Variants in RHOBTB3 observed in about 807,000 individuals in gnomAD.
RHOBTB3 encodes the protein Rho related BTB domain containing 3.
RHOBTB3 carries 47 observed loss-of-function variants against 67.2 expected under a neutral mutation model. The observed-to-expected ratio is 0.70, with a 90% CI of 0.55 to 0.89. RHOBTB3 has a LOEUF of 0.89. RHOBTB3 is among the 40% of genes least tolerant of loss of function. The pLI, the probability that RHOBTB3 is intolerant of heterozygous loss-of-function variation, is 0.00. For synonymous variants in RHOBTB3, 273 were observed against 274.2 expected, an observed-to-expected ratio of 1.00 and a Z score of 0.04; for missense variants, 631 against 750.0, an observed-to-expected ratio of 0.84 and a Z score of 1.85.
chr5:95,737,099 G>T, intron 3 of RHOBTB3, 24 bp downstream of exon 3: 1 of 1,384,166 alleles, frequency 7.2e-7, no homozygotes. Flanking sequence ...ATTCTTTTTT[G>T]TAGTGAGCAT....
chr5:95,733,145 G>C (rs1020585743), intron 2 of RHOBTB3, among the ~76,000 whole-genome samples: 1 of 152,146 alleles, frequency 6.6e-6, no homozygotes, highest in Non-Finnish European at 1.5e-5. Context: ...TCACTCGCTC[G>C]TGTAAGTTTT....
chr5:95,788,807 G>T lies in RHOBTB3; in HGVS notation c.1669G>T (p.Ala557Ser). 6.3e-7 allele frequency: 1 copy of T among 1,580,832 alleles called. No individual in the cohort carries two copies. The highest frequency in any genetic ancestry group is 2.3e-5 in the East Asian group (1 of 42,686). Reference protein sequence around the residue: ...CLSTWLLHFIATNYLIFSQKP... With the variant: ...CLSTWLLHFISTNYLIFSQKP... ...TTCAACCTGGCTACTTCATTTCATT[G>T]CTACTAACTACCTCATCTTCAGTCA... Residue 557 changes from alanine to serine, a missense_variant, in exon 11 of 12, where the codon GCT becomes TCT. Transcript: ENST00000379982.
At chr5:95,756,524 C>A (rs1158351829) in intron 6 of RHOBTB3, among the ~76,000 whole-genome samples, 2 of 152,100 alleles carry the variant, frequency 1.3e-5, no homozygotes, top group African/African-American at 4.8e-5. Context: ...TGCATATATA[C>A]ACAGAAGTGG....
intron 8 of RHOBTB3, among the ~76,000 whole-genome samples, chr5:95,777,222 A>G (rs1171367604): frequency 2.6e-5 from 4 of 152,206 alleles, no homozygotes; most frequent in Admixed American, 2.6e-4. Flanking sequence ...GCTAGTACAT[A>G]TTTTGGATCT....
chr5:95,723,073 C>A (rs1471498217), intron 1 of RHOBTB3, among the ~76,000 whole-genome samples: 2 of 151,988 alleles, frequency 1.3e-5, no homozygotes. Context: ...AGCTGGATTT[C>A]ACATGTACAT....
chr5:95,730,507 AG>A (rs1224508086), upstream of RHOBTB3, among the ~76,000 whole-genome samples: 1 of 152,222 alleles, frequency 6.6e-6, no homozygotes, highest in Admixed American at 6.5e-5. Context: ...TTATTATGAA[AG>A]AATCTAAAGT....
chr5:95,767,275 G>A (rs1745574005), intron 7 of RHOBTB3, among the ~76,000 whole-genome samples: 1 of 152,034 alleles, frequency 6.6e-6, no homozygotes, highest in Admixed American at 6.6e-5. Flanking sequence ...ACTCCTTTAA[G>A]AGAAAATGTT....
chr5:95,744,132 G>T (rs887756668), intron 3 of RHOBTB3, among the ~76,000 whole-genome samples: 6 of 151,624 alleles, frequency 4.0e-5, no homozygotes, highest in Non-Finnish European at 8.8e-5. Flanking sequence ...TGATTTGGCA[G>T]GGAGGGGAGA....
chr5:95,761,339 C>CT (rs766063568), intron 6 of RHOBTB3, among the ~76,000 whole-genome samples: 3,016 of 125,782 alleles, frequency 0.024, 76 homozygotes, highest in African/African-American at 0.059. Flanking sequence ...CCTTTTTCCT[C>CT]TTTTTTTTTT....
chr5:95,723,639 A>G (rs1189363243), intron 1 of RHOBTB3, among the ~76,000 whole-genome samples: 3 of 152,240 alleles, frequency 2.0e-5, no homozygotes, highest in Admixed American at 6.5e-5. Flanking sequence ...TAGTTAAAAC[A>G]ATACAAATAC....
At chr5:95,769,138 G>T in intron 8 of RHOBTB3, 1 of 367,538 alleles carries the variant, frequency 2.7e-6, no homozygotes. Flanking sequence ...TTTAGCCGAT[G>T]CCGTAGCTGC....
At chr5:95,780,081 C>T in intron 8 of RHOBTB3, 171 bp from the exon 9 acceptor site, 1 of 511,490 alleles carries the variant, frequency 2.0e-6, no homozygotes, top group Non-Finnish European at 3.5e-6. Flanking sequence ...CTTTATTGCT[C>T]CCTTTAAAAT....
At chr5:95,747,352 GT>G (rs1418844045) in intron 3 of RHOBTB3, among the ~76,000 whole-genome samples, 1 of 152,106 alleles carries the variant, frequency 6.6e-6, no homozygotes, top group Non-Finnish European at 1.5e-5. Flanking sequence ...CCTGAGAAGC[GT>G]TATTCCCAAG....
intron 2 of RHOBTB3, among the ~76,000 whole-genome samples, chr5:95,733,312 A>G (rs997858082): frequency 6.6e-6 from 1 of 152,222 alleles, no homozygotes; most frequent in African/African-American, 2.4e-5. Context: ...GGCAAATGAA[A>G]CACTTCTTTT....
At chr5:95,750,253 C>T (rs1745050124) in intron 4 of RHOBTB3, among the ~76,000 whole-genome samples, 1 of 152,146 alleles carries the variant, frequency 6.6e-6, no homozygotes, top group South Asian at 2.1e-4. Context: ...AGAGAGAAAG[C>T]CGCCTGCCTT....
chr5:95,787,359 A>G (rs940753633), intron 10 of RHOBTB3, among the ~76,000 whole-genome samples: 22 of 152,194 alleles, frequency 1.4e-4, no homozygotes, highest in African/African-American at 5.1e-4. Context: ...TAGATAAACT[A>G]TAAATTTATT....
chr5:95,719,120 G>A (rs904755024), intron 1 of RHOBTB3, among the ~76,000 whole-genome samples: 2 of 152,276 alleles, frequency 1.3e-5, no homozygotes, highest in East Asian at 1.9e-4. Context: ...ACATATCTGG[G>A]GTCGAGAGAA....
Position 95,793,320 on chromosome 5 carries a change from G to A in RHOBTB3, c.*146G>A, listed in dbSNP as rs14612. On this transcript the variant is annotated 3_prime_UTR_variant, in exon 12 of 12. Coordinates refer to ENST00000379982, the MANE Select transcript of RHOBTB3 (RefSeq NM_014899.4). Reference sequence around the variant, plus strand: ...TTAATATGTTTATTAGTTCTCTTTGGAAAAAAACTACCACTGTGGTCTTAA... The same window carrying A: ...TTAATATGTTTATTAGTTCTCTTTGAAAAAAAACTACCACTGTGGTCTTAA... The A allele has an allele frequency of 1.9e-6, 1 of 518,642 alleles. No individual in the cohort carries two copies. The highest frequency in any genetic ancestry group is 3.2e-5 in the South Asian group (1 of 31,408). 32.1% of individuals were successfully genotyped at this position (518,642 alleles called of 1,614,324 possible).
chr5:95,718,353 G>C (rs966010318), intron 1 of RHOBTB3, among the ~76,000 whole-genome samples: 1 of 152,204 alleles, frequency 6.6e-6, no homozygotes, highest in African/African-American at 2.4e-5. Context: ...CACTATCAGA[G>C]GGATCAGCCT....
Sources: gnomAD v4.1 joint callset for allele counts (sites outside exome capture counted in the v4.1 genomes callset) on GRCh38, gnomAD v4.1.1 for gene constraint, MANE v1.5 for transcripts, NCBI Gene and HGNC (gene_info 2026-07-23, HGNC 2026-07-21) for gene names.